ZNF324B: variants seen among roughly 807,000 people sequenced by gnomAD.
ZNF324B encodes the protein zinc finger protein 324B.
A neutral mutation model predicts 10.6 loss-of-function variants in ZNF324B; 7 were observed. The observed-to-expected ratio is 0.66, with a 90% confidence interval of 0.38 to 1.24. The LOEUF (loss-of-function observed/expected upper bound fraction) is 1.24, where lower values mean the gene tolerates loss of function less well. Among genes scored for constraint, ZNF324B ranks in the 50% most tolerant of loss-of-function variants. The probability of loss-of-function intolerance (pLI) is 0.02; values close to 1 mark genes in which losing one functional copy is unlikely to be tolerated. For synonymous variants in ZNF324B, 316 were observed against 321.0 expected, an observed-to-expected ratio of 0.98 and a Z score of 0.17; for missense variants, 640 against 764.7, an observed-to-expected ratio of 0.84 and a Z score of 1.92.
At chr19:58,427,843 C>T in the ZNF324B span, among the ~76,000 whole-genome samples, 2 of 152,076 alleles carry the variant, frequency 1.3e-5, no homozygotes, top group Non-Finnish European at 2.9e-5. Context: ...TGGCCACTCA[C>T]ACAGAGGATT....
At chr19:58,448,699 C>G (rs2052838087), upstream of ZNF324B, among the ~76,000 whole-genome samples, 1 of 152,082 alleles carries the variant, frequency 6.6e-6, no homozygotes, top group African/African-American at 2.4e-5. Flanking sequence ...TGCCCTGCAG[C>G]CTGGGTGACA....
chr19:58,439,669 C>T, the ZNF324B span: 3 of 1,374,874 alleles, frequency 2.2e-6, no homozygotes, highest in Non-Finnish European at 2.9e-6. Flanking sequence ...GATCAAGAGT[C>T]CCAGGACACC....
the ZNF324B span, chr19:58,441,779 G>A: frequency 6.6e-6 from 1 of 152,392 alleles, no homozygotes. Flanking sequence ...CCAGTGGCTA[G>A]GGCTCACGCT....
the ZNF324B span, among the ~76,000 whole-genome samples, chr19:58,427,491 T>C: frequency 8.8e-6 from 1 of 113,140 alleles, no homozygotes; most frequent in African/African-American, 3.9e-5. Flanking sequence ...CCTTCCTTCC[T>C]TCCTTTCTTT....
chr19:58,456,044 G>A lies in ZNF324B; in HGVS notation c.1100G>A (p.Arg367His), dbSNP rs2052916494. 6.2e-7 allele frequency: 1 copy of A among 1,606,196 alleles called. No homozygotes were observed. The highest frequency in any genetic ancestry group is 8.5e-7 in the Non-Finnish European group (1 of 1,176,468). The change falls in exon 4 of 4, where the codon CGT (arginine) becomes CAT (histidine). Residue 367 changes from arginine (R) to histidine (H), a missense_variant. Transcript: ENST00000336614. The surrounding 1 kb of genome is among the most constrained non-coding windows in gnomAD (Gnocchi z 4.7). The stretch of plus-strand genomic sequence containing the variant: ...CACCGCAAGATCCACGCGGGTGGGC[G>A]TCCTTATGCTTGCGCACAGTGTGGC... ...SQHRKIHAGGRPYACAQCGRR... is the reference protein window; with the variant it reads ...SQHRKIHAGGHPYACAQCGRR...
intron 1 of ZNF324B, chr19:58,453,375 T>G: frequency 4.7e-6 from 2 of 426,518 alleles, no homozygotes; most frequent in South Asian, 4.5e-5. Context: ...CTGGGGAGGG[T>G]CATGAATGGT....
the ZNF324B span, among the ~76,000 whole-genome samples, chr19:58,422,574 G>T: frequency 9.2e-5 from 14 of 152,276 alleles, no homozygotes; most frequent in Non-Finnish European, 1.2e-4. Context: ...TACAATCAAT[G>T]TACAAAAATC....
At chr19:58,423,300 G>C in the ZNF324B span, among the ~76,000 whole-genome samples, 1 of 151,986 alleles carries the variant, frequency 6.6e-6, no homozygotes, top group African/African-American at 2.4e-5. Flanking sequence ...AGCTGGGACT[G>C]TTGGCATGTG....
the ZNF324B span, chr19:58,437,251 A>C: frequency 1.9e-6 from 3 of 1,552,660 alleles, no homozygotes. Context: ...AAATGGAAAT[A>C]TGCAGGACCT....
the ZNF324B span, chr19:58,435,288 G>T: frequency 4.0e-6 from 6 of 1,504,168 alleles, no homozygotes; most frequent in Non-Finnish European, 5.4e-6. Flanking sequence ...ATGTTACCCA[G>T]GAATTCACAC....
At chr19:58,454,672 T>G (rs1260126586) in intron 3 of ZNF324B, 4 of 561,440 alleles carry the variant, frequency 7.1e-6, no homozygotes, top group African/African-American at 1.9e-5. Flanking sequence ...TCCTGAGGGC[T>G]TGTGGGCATT....
chr19:58,425,817 C>G, the ZNF324B span, among the ~76,000 whole-genome samples: 2 of 152,150 alleles, frequency 1.3e-5, no homozygotes, highest in Admixed American at 1.3e-4. Context: ...ACAAAAAGGT[C>G]ACATAGTAGG....
At chr19:58,435,119 A>G in the ZNF324B span, 1 of 1,614,166 alleles carries the variant, frequency 6.2e-7, no homozygotes, top group South Asian at 1.1e-5. Flanking sequence ...TTCTTGGTGG[A>G]AGGATCTGCA....
At chr19:58,422,343 T>C in the ZNF324B span, among the ~76,000 whole-genome samples, 12 of 152,204 alleles carry the variant, frequency 7.9e-5, no homozygotes, top group African/African-American at 2.7e-4. Flanking sequence ...AAGCTTTTTC[T>C]CTCAGAACTG....
chr19:58,438,313 G>A, the ZNF324B span, among the ~76,000 whole-genome samples: 53 of 152,110 alleles, frequency 3.5e-4, no homozygotes, highest in Non-Finnish European at 6.6e-4. Flanking sequence ...GCCTAAACCC[G>A]ACATAATTTC....
Position 58,456,354 on chromosome 19 carries a change from C to A in ZNF324B, c.1410C>A (p.Ser470Arg), listed in dbSNP as rs746131374. Residue 470 changes from serine (S) to arginine (R), a missense_variant, in exon 4 of 4, where the codon AGC becomes AGA. Transcript: ENST00000336614. The surrounding 1 kb of genome is among the most constrained non-coding windows in gnomAD (Gnocchi z 4.7). ...TCGCCAAGGGCGCCGTGCTGCTCAG[C>A]CACCGGCGCATTCACACGGGCGAGA... ...KGFAKGAVLL[S>R]HRRIHTGEKP... is the part of the protein sequence containing the mutation. 3 of 1,612,552 alleles carry A rather than the reference C, an allele frequency of 1.9e-6. No individual in the cohort carries two copies. In the East Asian group the frequency reaches 6.7e-5, roughly 36 times the overall value.
chr19:58,433,411 G>T, the ZNF324B span: 1,579 of 1,614,136 alleles, frequency 9.8e-4, 13 homozygotes, highest in African/African-American at 0.019. Context: ...CCTTTCTCTG[G>T]TGTGAACTTT....
the ZNF324B span, among the ~76,000 whole-genome samples, chr19:58,422,676 A>G: frequency 6.6e-6 from 1 of 152,230 alleles, no homozygotes; most frequent in Non-Finnish European, 1.5e-5. Flanking sequence ...ATACCTGGGA[A>G]TAAATTTAAC....
At chr19:58,439,795 T>C in the ZNF324B span, 2 of 1,546,380 alleles carry the variant, frequency 1.3e-6, no homozygotes, top group African/African-American at 1.4e-5. Flanking sequence ...GCAACCCCAT[T>C]AGAACCTGTG....
Sources: gnomAD v4.1 joint callset for allele counts (sites outside exome capture counted in the v4.1 genomes callset) on GRCh38, gnomAD v4.1.1 for gene constraint, Gnocchi (gnomAD v3.1) non-coding constraint, MANE v1.5 for transcripts, NCBI Gene and HGNC (gene_info 2026-07-23, HGNC 2026-07-21) for gene names.